Variants in PCDHA2 observed in about 807,000 individuals in gnomAD.
PCDHA2 encodes the protein protocadherin alpha-2.
In PCDHA2, 58 loss-of-function variants were observed where a neutral mutation model predicts 66.0. That is an observed-to-expected ratio of 0.88 (90% confidence interval 0.71 to 1.09). PCDHA2 has a LOEUF of 1.09. Ranked by LOEUF, PCDHA2 falls within the 50% of genes least tolerant of loss-of-function variation. The pLI, the probability that PCDHA2 is intolerant of heterozygous loss-of-function variation, is 0.00. For missense variants in PCDHA2, 1,267 were observed against 1,242.3 expected (o/e 1.02, Z -0.30); for synonymous variants, 634 against 554.0 (o/e 1.14, Z -2.03).
At chr5:140,926,707 C>A in intron 1 of PCDHA2, 5 of 886,092 alleles carry the variant, frequency 5.6e-6, no homozygotes, top group Non-Finnish European at 7.9e-6. Context: ...TCCCAGCTGG[C>A]CAGCCCCGGC....
chr5:140,871,184 A>T, intron 1 of PCDHA2: 1 of 1,613,552 alleles, frequency 6.2e-7, no homozygotes, highest in Non-Finnish European at 8.5e-7. Flanking sequence ...GCGCTGGTGG[A>T]TGTCAACGTG....
chr5:140,842,094 G>C (rs2150329211), intron 1 of PCDHA2: 1 of 1,613,884 alleles, frequency 6.2e-7, no homozygotes, highest in South Asian at 1.1e-5. Context: ...GCAGACAACG[G>C]AACAACAGTT....
intron 1 of PCDHA2, among the ~76,000 whole-genome samples, chr5:140,919,944 A>T (rs1554199311): frequency 6.6e-6 from 1 of 151,622 alleles, no homozygotes; most frequent in Non-Finnish European, 1.5e-5. Flanking sequence ...AATTCCAGTG[A>T]AAAGTTTGTT....
chr5:140,821,812 C>G, intron 1 of PCDHA2: 6 of 1,613,776 alleles, frequency 3.7e-6, no homozygotes, highest in Non-Finnish European at 5.1e-6. Flanking sequence ...GGGATCCCGG[C>G]TCCTGCTGCT....
intron 1 of PCDHA2, chr5:140,883,843 C>G: frequency 6.2e-7 from 1 of 1,612,786 alleles, no homozygotes; most frequent in Non-Finnish European, 8.5e-7. Context: ...CGTTGGACCA[C>G]GAGGAGCTGG....
rs1205846373 is a variant in PCDHA2 at position 140,858,213 on chromosome 5, C to T, written c.2388+60861C>T. Reference sequence around the variant, plus strand: ...CTGCTGTACACTGCACTGAGGTGCTCGGCGGCGCCCACCGAGGGCGCATGT... The same window carrying T: ...CTGCTGTACACTGCACTGAGGTGCTTGGCGGCGCCCACCGAGGGCGCATGT... On this transcript the variant is annotated intron_variant, in intron 1 of 3. Coordinates refer to ENST00000526136, the MANE Select transcript of PCDHA2 (RefSeq NM_018905.3). 13 of 1,594,002 alleles carry T rather than the reference C, an allele frequency of 8.2e-6. 3 individuals are homozygous for T. Among genetic ancestry groups the T allele is most frequent in the Non-Finnish European group, 1.1e-5 (13 of 1,165,570 alleles).
intron 1 of PCDHA2, among the ~76,000 whole-genome samples, chr5:140,818,057 A>C (rs1002691037): frequency 6.6e-6 from 1 of 152,066 alleles, no homozygotes; most frequent in Admixed American, 6.5e-5. Flanking sequence ...TTTGTTTTTA[A>C]TCTCGCTTGC....
chr5:140,808,489 G>A, intron 1 of PCDHA2: 2 of 1,614,156 alleles, frequency 1.2e-6, no homozygotes, highest in South Asian at 2.2e-5. Flanking sequence ...GCTCGCCTTC[G>A]CTGTGGGCCA....
chr5:140,818,604 T>G (rs2150101682), intron 1 of PCDHA2, among the ~76,000 whole-genome samples: 1 of 152,274 alleles, frequency 6.6e-6, no homozygotes, highest in African/African-American at 2.4e-5. Context: ...GTGTGGGCCA[T>G]GACAGGAGGA....
intron 1 of PCDHA2, chr5:140,884,324 G>T (rs782624216): frequency 1.2e-6 from 2 of 1,613,840 alleles, no homozygotes; most frequent in Non-Finnish European, 1.7e-6. Context: ...GTCGGCAGGC[G>T]CTGTGGGTCC....
chr5:140,891,122 G>T (rs572236105), intron 1 of PCDHA2, among the ~76,000 whole-genome samples: 1 of 152,256 alleles, frequency 6.6e-6, no homozygotes, highest in East Asian at 1.9e-4. Context: ...CAATCTAAAT[G>T]TCATTCCTTT....
intron 1 of PCDHA2, among the ~76,000 whole-genome samples, chr5:140,834,064 G>T (rs1347200172): frequency 4.6e-5 from 7 of 152,160 alleles, no homozygotes; most frequent in African/African-American, 1.4e-4. Flanking sequence ...ACAATCATGA[G>T]AAATGCTATT....
At chr5:140,994,485 C>T (rs573689251) in intron 3 of PCDHA2, among the ~76,000 whole-genome samples, 2 of 152,146 alleles carry the variant, frequency 1.3e-5, no homozygotes, top group South Asian at 2.1e-4. Flanking sequence ...GGTGGATTGC[C>T]TGAACCCAGG....
chr5:140,876,555 G>C (rs782622293), intron 1 of PCDHA2: 1 of 1,614,072 alleles, frequency 6.2e-7, no homozygotes, highest in African/African-American at 1.3e-5. Context: ...CTGTGCAAGA[G>C]GATGCTCAGG....
At chr5:140,873,260 G>A (rs1252265709) in intron 1 of PCDHA2, among the ~76,000 whole-genome samples, 2 of 152,146 alleles carry the variant, frequency 1.3e-5, no homozygotes, top group Non-Finnish European at 2.9e-5. Context: ...AGACTCAAAA[G>A]TGATTAAACC....
chr5:140,951,252 A>AT (rs1488592252), intron 1 of PCDHA2, among the ~76,000 whole-genome samples: 16 of 151,738 alleles, frequency 1.1e-4, no homozygotes, highest in Admixed American at 1.1e-3. Context: ...AATGCATCAC[A>AT]TTTTTCTGGT....
chr5:140,877,389 G>T, intron 1 of PCDHA2: 1 of 1,613,994 alleles, frequency 6.2e-7, no homozygotes, highest in Non-Finnish European at 8.5e-7. Context: ...TCCTGGATGA[G>T]GCGGACGCTC....
At chr5:140,980,196 A>T (rs1404667828) in intron 2 of PCDHA2, among the ~76,000 whole-genome samples, 1 of 152,214 alleles carries the variant, frequency 6.6e-6, no homozygotes, top group Non-Finnish European at 1.5e-5. Flanking sequence ...TTTATTAGAG[A>T]CCAACTTGTG....
At chr5:140,802,828 C>T (rs1376843925) in intron 1 of PCDHA2, 3 of 1,613,528 alleles carry the variant, frequency 1.9e-6, no homozygotes, top group Non-Finnish European at 2.5e-6. Flanking sequence ...GGCGTGCCGC[C>T]TCTGGGCAGC....
Sources: allele counts gnomAD v4.1 joint callset (sites outside exome capture counted in the v4.1 genomes callset), GRCh38; gene constraint gnomAD v4.1.1; transcripts MANE v1.5; gene names NCBI Gene and HGNC (gene_info 2026-07-23, HGNC 2026-07-21).